STK24: variants seen among roughly 807,000 people sequenced by gnomAD.
STK24 encodes the protein serine/threonine kinase 24.
Under a neutral mutation model 55.6 loss-of-function variants are expected in STK24, and 21 were observed. The ratio of observed to expected loss-of-function variants is 0.38; its 90% CI spans 0.27 to 0.54. STK24 has a LOEUF of 0.54. Among genes scored for constraint, STK24 ranks in the 20% least tolerant of loss-of-function variants. The probability of loss-of-function intolerance (pLI) is 0.79; values close to 1 mark genes in which losing one functional copy is unlikely to be tolerated. For synonymous variants in STK24, 200 were observed against 215.2 expected (o/e 0.93, Z 0.62); for missense variants, 383 against 538.4 (o/e 0.71, Z 2.86).
At chr13:98,484,196 C>T (rs1894718996) in intron 2 of STK24, among the ~76,000 whole-genome samples, 1 of 152,186 alleles carries the variant, frequency 6.6e-6, no homozygotes, top group Non-Finnish European at 1.5e-5. Context: ...CGCTCGCCTG[C>T]AGGCTTCCAC....
chr13:98,463,844 A>G lies in STK24; in HGVS notation c.784-8T>C, dbSNP rs1412123588. On this transcript the variant is annotated splice_polypyrimidine_tract_variant and splice_region_variant and intron_variant, in intron 6 of 10. Transcript: ENST00000539966. ...CTCCTTAGCAGTGGGTCTCTGGAAA[A>G]ACACACCCAACAATTAAAGTATGAG... The G allele has an allele frequency of 3.1e-6, 5 of 1,610,240 alleles. No individual in the cohort carries two copies. Among genetic ancestry groups the G allele is most frequent in the Non-Finnish European group, 4.2e-6 (5 of 1,177,820 alleles).
chr13:98,496,848 C>T (rs774986636), intron 2 of STK24, among the ~76,000 whole-genome samples: 1 of 152,188 alleles, frequency 6.6e-6, no homozygotes, highest in Non-Finnish European at 1.5e-5. Flanking sequence ...TTGCAAGTAA[C>T]TCTTAAATCA....
At chr13:98,521,639 C>T in intron 1 of STK24, 1 of 616,068 alleles carries the variant, frequency 1.6e-6, no homozygotes, top group East Asian at 2.8e-5. Context: ...GCACCTCCAC[C>T]TCCTCTAACA....
chr13:98,506,821 G>A (rs1031346254), intron 2 of STK24, among the ~76,000 whole-genome samples: 24 of 152,234 alleles, frequency 1.6e-4, no homozygotes, highest in African/African-American at 5.5e-4. Flanking sequence ...GTGGCCGTGA[G>A]TAAGAATTCA....
At position 98,568,220 on chromosome 13, in the gene STK24, A is replaced by G. The variant is rs147511682; in HGVS notation, c.42+8525T>C. The stretch of plus-strand genomic sequence containing the variant: ...CCATGTTGGTCAGGCTGGTCTCGAA[A>G]TCCTGACCTCAAATGATCCACCCGC... On this transcript the variant is annotated intron_variant, in intron 1 of 10. Coordinates refer to ENST00000539966, the MANE Select transcript of STK24 (RefSeq NM_001032296.4). 2.0e-3 allele frequency among the ~76,000 whole-genome samples: 304 copies of G among 152,104 alleles called. 1 individual carries two copies. The highest frequency in any genetic ancestry group is 7.0e-3 in the African/African-American group (289 of 41,512).
chr13:98,456,576 A>C (rs1162907341), intron 10 of STK24: 6 of 492,026 alleles, frequency 1.2e-5, no homozygotes, highest in Non-Finnish European at 2.5e-5. Flanking sequence ...ACAAGTTGGG[A>C]GGGGGCAGGG....
At chr13:98,457,134 C>A in intron 10 of STK24, 34 bp downstream of exon 10, 13 of 1,599,598 alleles carry the variant, frequency 8.1e-6, no homozygotes, top group Non-Finnish European at 1.1e-5. Context: ...GCAGGTCTCT[C>A]CTTCCCCAGC....
intron 3 of STK24, 114 bp from the exon 4 acceptor site, chr13:98,475,472 C>A: frequency 4.3e-6 from 3 of 694,270 alleles, no homozygotes. Flanking sequence ...AACCTGAAAT[C>A]TTCTTCACTT....
chr13:98,493,505 C>T (rs1203054779), intron 2 of STK24, among the ~76,000 whole-genome samples: 2 of 152,060 alleles, frequency 1.3e-5, no homozygotes, highest in Admixed American at 1.3e-4. Flanking sequence ...TCTTTCCTCC[C>T]CATCCATCTT....
At chr13:98,571,689 C>T (rs571796939) in intron 1 of STK24, among the ~76,000 whole-genome samples, 1 of 152,252 alleles carries the variant, frequency 6.6e-6, no homozygotes, top group East Asian at 1.9e-4. Context: ...CAGTAACTAA[C>T]AGTAACTGAG....
In STK24 at chr13:98,447,844, C is replaced by A. The variant is rs1212895720; in HGVS notation, c.*5329G>T. On this transcript the variant is annotated 3_prime_UTR_variant, in exon 11 of 11. Coordinates refer to ENST00000539966, the MANE Select transcript of STK24 (RefSeq NM_001032296.4). The stretch of plus-strand genomic sequence containing the variant: ...TGAGTGACAGAGCCAGACCCTGTCT[C>A]AAAAAAAAAAGAAAAAGAAAAAAGG... The A allele has an allele frequency of 5.4e-5, 10 of 184,394 alleles. No homozygotes were observed. The highest frequency in any genetic ancestry group is 1.0e-4 in the African/African-American group (4 of 39,976). The allele number at this position is 184,394 out of a possible 1,614,324, so 11.4% of individuals were successfully genotyped here. A position where few individuals can be genotyped will look rare whatever the true frequency, so the allele number is the denominator to read the frequency against.
chr13:98,550,369 T>C (rs1482116442), intron 1 of STK24, among the ~76,000 whole-genome samples: 2 of 152,064 alleles, frequency 1.3e-5, no homozygotes, highest in African/African-American at 2.4e-5. Context: ...GGGGAACCTG[T>C]CCCTACAAAA....
intron 2 of STK24, among the ~76,000 whole-genome samples, chr13:98,492,122 C>A (rs1459453691): frequency 6.6e-6 from 1 of 150,994 alleles, no homozygotes; most frequent in Non-Finnish European, 1.5e-5. Context: ...AACAAATCAA[C>A]AGATCGCAAG....
chr13:98,480,194 C>T (rs1386403353), intron 3 of STK24, among the ~76,000 whole-genome samples: 1 of 152,184 alleles, frequency 6.6e-6, no homozygotes, highest in Non-Finnish European at 1.5e-5. Flanking sequence ...ACCCTTCCTT[C>T]CAACTGTAAT....
At chr13:98,509,495 A>C (rs1895804883) in intron 2 of STK24, among the ~76,000 whole-genome samples, 2 of 152,222 alleles carry the variant, frequency 1.3e-5, no homozygotes, top group South Asian at 2.1e-4. Context: ...CAAAAACAAA[A>C]AAAAAAACCA....
chr13:98,546,269 G>T (rs900007460), intron 1 of STK24, among the ~76,000 whole-genome samples: 14 of 152,170 alleles, frequency 9.2e-5, no homozygotes, highest in African/African-American at 3.4e-4. Flanking sequence ...CAAAGGCAGT[G>T]CTATCCCAGA....
At position 98,446,632 on chromosome 13, in the gene STK24, C is replaced by G; in HGVS notation, c.*6541G>C. On this transcript the variant is annotated 3_prime_UTR_variant, in exon 11 of 11. Transcript: ENST00000539966. ...CAGGCCCAGCAGCAGAAGCTGACCC[C>G]GAAAAGCCACTTTGCTTTGTTTCCC... The G allele has an allele frequency of 6.2e-7, 1 of 1,610,176 alleles. No individual in the cohort carries two copies. The highest frequency in any genetic ancestry group is 8.5e-7 in the Non-Finnish European group (1 of 1,177,194).
At chr13:98,518,855 C>T (rs567024195) in intron 2 of STK24, among the ~76,000 whole-genome samples, 92 of 152,294 alleles carry the variant, frequency 6.0e-4, no homozygotes, top group Admixed American at 5.7e-3. Context: ...TTAAATTAAA[C>T]CACAGCTGGT....
chr13:98,446,515 G>C lies in STK24; in HGVS notation c.*6658C>G, dbSNP rs1228363558. Reference sequence around the variant, plus strand: ...TTGCCACCCGGGCCATCACGTACAGGCAAACACTGGCTGCCATGGTCCCTT... The same window carrying C: ...TTGCCACCCGGGCCATCACGTACAGCCAAACACTGGCTGCCATGGTCCCTT... On this transcript the variant is annotated 3_prime_UTR_variant, in exon 11 of 11. Coordinates refer to ENST00000539966, the MANE Select transcript of STK24 (RefSeq NM_001032296.4). 1 of 766,578 alleles carries C rather than the reference G, an allele frequency of 1.3e-6. No individual in the cohort carries two copies. The highest frequency in any genetic ancestry group is 2.1e-6 in the Non-Finnish European group (1 of 467,192). The allele number at this position is 766,578 out of a possible 1,614,324, so 47.5% of individuals were successfully genotyped here.
Sources: allele counts gnomAD v4.1 joint callset (sites outside exome capture counted in the v4.1 genomes callset), GRCh38; gene constraint gnomAD v4.1.1; transcripts MANE v1.5; gene names NCBI Gene and HGNC (gene_info 2026-07-23, HGNC 2026-07-21).